ADCY5: variants seen among roughly 807,000 people sequenced by gnomAD.
The protein encoded by ADCY5 is adenylate cyclase 5.
ADCY5 carries 30 observed loss-of-function variants against 119.7 expected under a neutral mutation model. The observed-to-expected ratio is 0.25, with a 90% CI of 0.19 to 0.34. The LOEUF (loss-of-function observed/expected upper bound fraction) is 0.34, where lower values mean the gene tolerates loss of function less well. Among genes scored for constraint, ADCY5 ranks in the 10% least tolerant of loss-of-function variants. The pLI is 1.00. For synonymous variants in ADCY5, 753 were observed against 762.2 expected (o/e 0.99, Z 0.20); for missense variants, 1,324 against 1,775.2 (o/e 0.75, Z 4.57).
intron 2 of ADCY5, among the ~76,000 whole-genome samples, chr3:123,348,141 G>A (rs1414040199): frequency 1.3e-5 from 2 of 150,182 alleles, no homozygotes; most frequent in Admixed American, 6.7e-5. Flanking sequence ...TAATCCTTCC[G>A]CCTCCCTCGC....
rs115718518 is a variant in ADCY5 at position 123,292,131 on chromosome 3, G to A, written c.3064-755C>T. Reference sequence around the variant, plus strand: ...GAAGGGAAGAGGTGTCACACACCGAGGTGTGGCAAGGAACCATCTGACAAG... The same window carrying A: ...GAAGGGAAGAGGTGTCACACACCGAAGTGTGGCAAGGAACCATCTGACAAG... On this transcript the variant is annotated intron_variant, in intron 17 of 20. Transcript: ENST00000462833. 2.7e-3 allele frequency among the ~76,000 whole-genome samples: 411 copies of A among 152,344 alleles called. 4 individuals carry two copies. The highest frequency in any genetic ancestry group is 9.2e-3 in the African/African-American group (381 of 41,572).
At position 123,284,277 on chromosome 3, in the gene ADCY5, C is replaced by T; in HGVS notation, c.*331G>A. 3.6e-6 allele frequency: 1 copy of T among 277,724 alleles called. No individual in the cohort carries two copies. The highest frequency in any genetic ancestry group is 6.9e-6 in the Non-Finnish European group (1 of 144,004). The allele number at this position is 277,724 out of a possible 1,614,324, so 17.2% of individuals were successfully genotyped here. The stretch of plus-strand genomic sequence containing the variant: ...CCCCTCAGCCCTGCCCTTGTCTGGG[C>T]CGTGCCACACACACATTCCCACGGC... On this transcript the variant is annotated 3_prime_UTR_variant, in exon 21 of 21. Transcript: ENST00000462833.
chr3:123,419,685 T>G (rs563889258), intron 1 of ADCY5, among the ~76,000 whole-genome samples: 1 of 152,196 alleles, frequency 6.6e-6, no homozygotes, highest in South Asian at 2.1e-4. Flanking sequence ...ACGTGGCACA[T>G]TCCAGCTTCC....
chr3:123,441,903 G>C (rs148270050), intron 1 of ADCY5, among the ~76,000 whole-genome samples: 1 of 146,158 alleles, frequency 6.8e-6, no homozygotes, highest in African/African-American at 2.5e-5. Flanking sequence ...CCGCTAACTA[G>C]AAACCCCCAG....
At chr3:123,338,708 A>C (rs1269467002) in intron 3 of ADCY5, among the ~76,000 whole-genome samples, 5 of 152,218 alleles carry the variant, frequency 3.3e-5, no homozygotes, top group Non-Finnish European at 7.3e-5. Context: ...AGTCTCCTGC[A>C]TTCTATTCCA....
At chr3:123,368,417 G>A (rs13097463) in intron 1 of ADCY5, among the ~76,000 whole-genome samples, 3 of 152,042 alleles carry the variant, frequency 2.0e-5, no homozygotes, top group African/African-American at 4.8e-5. Flanking sequence ...CCAACATGGC[G>A]AAACGCTGTC....
intron 1 of ADCY5, among the ~76,000 whole-genome samples, chr3:123,363,391 T>C (rs1027859689): frequency 2.6e-5 from 4 of 152,114 alleles, no homozygotes; most frequent in Admixed American, 6.5e-5. Flanking sequence ...ACATTATCAG[T>C]GGGAATGCAA....
chr3:123,349,939 C>G (rs1287586471), intron 2 of ADCY5, among the ~76,000 whole-genome samples: 1 of 152,250 alleles, frequency 6.6e-6, no homozygotes, highest in African/African-American at 2.4e-5. Flanking sequence ...CTGCTGAGAT[C>G]AGCCCACGCC....
chr3:123,320,629 TC>T, intron 9 of ADCY5, 119 bp downstream of exon 9: 1 of 1,389,134 alleles, frequency 7.2e-7, no homozygotes, highest in South Asian at 1.2e-5. Context: ...CCATTCACTC[TC>T]AGCTAAGACT....
intron 1 of ADCY5, among the ~76,000 whole-genome samples, chr3:123,361,637 A>G (rs1464367555): frequency 6.6e-6 from 1 of 152,168 alleles, no homozygotes; most frequent in Non-Finnish European, 1.5e-5. Flanking sequence ...GTTCGTCCAC[A>G]TGGTAGCACA....
rs749844306 is a variant in ADCY5, at chr3:123,352,529, G to C, written c.1187C>G (p.Thr396Ser). 2 of 1,613,828 alleles carry C rather than the reference G, an allele frequency of 1.2e-6. No homozygotes were observed. Among genetic ancestry groups the C allele is most frequent in the African/African-American group, 2.7e-5 (2 of 74,914 alleles). ...FSCTNIVGVC[T>S]HYPAEVSQRQ... is the part of the protein sequence containing the mutation. The stretch of plus-strand genomic sequence containing the variant: ...CTGGGAGACCTCAGCCGGATAGTGG[G>C]TGCAGACACCCACGATGTTGGTGCA... The change falls in exon 2 of 21, where the codon ACC becomes AGC. Residue 396 changes from threonine to serine, a missense_variant. By Grantham distance (58) the Thr-to-Ser change is moderately conservative. Transcript: ENST00000462833. The surrounding 1 kb of genome is among the most constrained non-coding windows in gnomAD (Gnocchi z 4.8).
chr3:123,398,993 T>TCCAGCTATCCCCTTAGAATCTC (rs1403146055), intron 1 of ADCY5, among the ~76,000 whole-genome samples: 2 of 152,324 alleles, frequency 1.3e-5, no homozygotes, highest in Non-Finnish European at 2.9e-5. Context: ...GGGCCGGCCA[T>TCCAGCTATCCCCTTAGAATCTC]CCAGCTATCC....
intron 12 of ADCY5, among the ~76,000 whole-genome samples, chr3:123,307,442 C>G (rs979096931): frequency 6.6e-6 from 1 of 152,134 alleles, no homozygotes; most frequent in Non-Finnish European, 1.5e-5. Context: ...TTAAACGCAA[C>G]AGAAAAGTTA....
chr3:123,425,948 T>C, intron 1 of ADCY5, among the ~76,000 whole-genome samples: 1 of 152,214 alleles, frequency 6.6e-6, no homozygotes, highest in Non-Finnish European at 1.5e-5. Flanking sequence ...CATCCAAACA[T>C]ACAGGCAGTC....
At chr3:123,296,285 C>A in intron 16 of ADCY5, 69 bp from the exon 17 acceptor site, 1 of 1,529,804 alleles carries the variant, frequency 6.5e-7, no homozygotes, top group South Asian at 1.2e-5. Flanking sequence ...GGACCCCACC[C>A]CCACCCACTG....
chr3:123,358,949 C>CT (rs1334223664), intron 1 of ADCY5, among the ~76,000 whole-genome samples: 2 of 152,320 alleles, frequency 1.3e-5, no homozygotes, highest in South Asian at 4.1e-4. Context: ...CCTCTCCTCT[C>CT]TGAGTTTTCA....
chr3:123,442,144 C>T lies in ADCY5; in HGVS notation c.1134+5268G>A, dbSNP rs367918106. ...TATGTAACTGTACCCAAAGGATTTA[C>T]GGGCACCATCATGTTGAAGCCCCCA... On this transcript the variant is annotated intron_variant, in intron 1 of 20. Transcript: ENST00000462833. Among the ~76,000 whole-genome samples, 7 of 152,284 alleles carry T rather than the reference C, an allele frequency of 4.6e-5. No individual in the cohort carries two copies. The East Asian group carries it at 5.8e-4, about 13-fold the overall frequency.
chr3:123,305,193 C>A (rs1365409036), intron 12 of ADCY5, among the ~76,000 whole-genome samples: 2 of 152,182 alleles, frequency 1.3e-5, no homozygotes, highest in African/African-American at 4.8e-5. Flanking sequence ...CCTTTGGGCA[C>A]CCCCAGCTTT....
In ADCY5 at chr3:123,303,170, T is replaced by C. The variant is rs1939949150; in HGVS notation, c.2609A>G (p.Asn870Ser). Residue 870 changes from asparagine to serine, a missense_variant, in exon 14 of 21, where the codon AAC becomes AGC. Asn to Ser is a conservative substitution (Grantham distance 46). Coordinates refer to ENST00000462833, the MANE Select transcript of ADCY5 (RefSeq NM_183357.3). Reference sequence around the variant, plus strand: ...CGCGTTGACCTGGCTCGCGCTGATGTTGTGCTCCTGTGCCAAGCAGCCCAG... The same window carrying C: ...CGCGTTGACCTGGCTCGCGCTGATGCTGTGCTCCTGTGCCAAGCAGCCCAG... ...DLLGCLAQEH[N>S]ISASQVNACH... The C allele has an allele frequency of 3.1e-6, 5 of 1,613,852 alleles. No homozygotes were observed. The highest frequency in any genetic ancestry group is 4.2e-6 in the Non-Finnish European group (5 of 1,180,008).
Sources: allele counts gnomAD v4.1 joint callset (sites outside exome capture counted in the v4.1 genomes callset), GRCh38; gene constraint gnomAD v4.1.1; non-coding constraint Gnocchi (gnomAD v3.1); transcripts MANE v1.5; gene names NCBI Gene and HGNC (gene_info 2026-07-23, HGNC 2026-07-21).